Variants in POLR3H observed in about 807,000 individuals in gnomAD.
POLR3H encodes the protein RNA polymerase III subunit H.
POLR3H carries 17 observed loss-of-function variants against 25.5 expected under a neutral mutation model. The observed-to-expected ratio is 0.67, with a 90% CI of 0.46 to 1.00. The LOEUF is 1.00. Ranked by LOEUF, POLR3H falls within the 50% of genes least tolerant of loss-of-function variation. The probability of loss-of-function intolerance (pLI) is 0.00; values close to 1 mark genes in which losing one functional copy is unlikely to be tolerated. For missense variants in POLR3H, 274 were observed against 265.0 expected (o/e 1.03, Z -0.24); for synonymous variants, 129 against 103.0 (o/e 1.25, Z -1.53).
Position 41,528,408 on chromosome 22 carries a change from CCT to C in POLR3H, c.*873_*874del. On this transcript the variant is annotated 3_prime_UTR_variant, in exon 6 of 6. Coordinates refer to ENST00000355209, the MANE Select transcript of POLR3H (RefSeq NM_001018050.4). ...AGGTCCCCAGGCAGTGCCCTGTCTC[CCT>C]GACCCCCCTGCGGGGCCAAGGGCAC... is the stretch of plus-strand genomic sequence containing the variant. The C allele has an allele frequency of 6.3e-7, 1 of 1,575,012 alleles. No homozygotes were observed. The highest frequency in any genetic ancestry group is 8.6e-7 in the Non-Finnish European group (1 of 1,162,172).
chr22:41,533,956 T>G (rs4822033), intron 2 of POLR3H, among the ~76,000 whole-genome samples: 28,233 of 151,984 alleles, frequency 0.19, 3,518 homozygotes, highest in Admixed American at 0.38. Context: ...CTGGCCAACA[T>G]GATAAAACAC....
Position 41,528,498 on chromosome 22 carries a change from A to G in POLR3H, c.*785T>C, listed in dbSNP as rs775187728. Reference sequence around the variant, plus strand: ...TTGCAGCCCCTGAAGTGCATCATCAAGCACCCCAACGGGACCCAGGAGACC... The same window carrying G: ...TTGCAGCCCCTGAAGTGCATCATCAGGCACCCCAACGGGACCCAGGAGACC... On this transcript the variant is annotated 3_prime_UTR_variant, in exon 6 of 6. Transcript: ENST00000355209. 14 of 1,612,336 alleles carry G rather than the reference A, an allele frequency of 8.7e-6. No homozygotes were observed. The highest frequency in any genetic ancestry group is 2.7e-5 in the African/African-American group (2 of 74,982).
chr22:41,532,175 G>C lies in POLR3H; in HGVS notation c.296-18C>G. On this transcript the variant is annotated intron_variant, in intron 3 of 5. Transcript: ENST00000355209. ...TAGAGAGACTGGAAGGAAGGAAGCA[G>C]GTGACGGCCTGAGATGGGGGTCCCA... is the stretch of plus-strand genomic sequence containing the variant. 1 of 1,613,452 alleles carries C rather than the reference G, an allele frequency of 6.2e-7. No individual in the cohort carries two copies. The highest frequency in any genetic ancestry group is 8.5e-7 in the Non-Finnish European group (1 of 1,179,478).
In POLR3H at chr22:41,528,168, A is replaced by T. The variant is rs1187344986; in HGVS notation, c.*1115T>A. The T allele has an allele frequency of 3.9e-6, 5 of 1,293,188 alleles. No individual in the cohort carries two copies. The highest frequency in any genetic ancestry group is 4.7e-5 in the Admixed American group (2 of 42,870). The allele number at this position is 1,293,188 out of a possible 1,614,324, so 80.1% of individuals were successfully genotyped here. On this transcript the variant is annotated 3_prime_UTR_variant, in exon 6 of 6. Coordinates refer to ENST00000355209, the MANE Select transcript of POLR3H (RefSeq NM_001018050.4). ...GTTCTCCAGGTGGCCCCACAGAGAA[A>T]GCAAAGTGGCTTCTCAGAGTTGGGG...
rs776056323 is a variant in POLR3H, at chr22:41,528,604, G to C, written c.*679C>G. On this transcript the variant is annotated 3_prime_UTR_variant, in exon 6 of 6. Coordinates refer to ENST00000355209, the MANE Select transcript of POLR3H (RefSeq NM_001018050.4). ...GTGCCCTCAACAGAATGAAGGAACT[G>C]CAACAGTGAGGGCAGTGCCTCCCCG... 7 of 1,609,420 alleles carry C rather than the reference G, an allele frequency of 4.3e-6. No homozygotes were observed. The highest frequency in any genetic ancestry group is 1.7e-5 in the Admixed American group (1 of 59,930).
Position 41,526,502 on chromosome 22 carries a change from C to A in POLR3H, c.*2781G>T. On this transcript the variant is annotated 3_prime_UTR_variant, in exon 6 of 6. Transcript: ENST00000355209. ...ATGCCAGTGGTCACTCCTGAAGGGG[C>A]CTGCAAGGCAGGTGCAGGGAGGACA... 1 of 1,566,172 alleles carries A rather than the reference C, an allele frequency of 6.4e-7. No homozygotes were observed. The highest frequency in any genetic ancestry group is 8.7e-7 in the Non-Finnish European group (1 of 1,150,716).
intron 2 of POLR3H, among the ~76,000 whole-genome samples, chr22:41,537,134 A>T (rs1406282471): frequency 6.6e-6 from 1 of 152,054 alleles, no homozygotes; most frequent in African/African-American, 2.4e-5. Flanking sequence ...TCGAGGGATA[A>T]ACTTGGCCAG....
chr22:41,530,712 T>C lies in POLR3H; in HGVS notation c.536A>G (p.Lys179Arg). The C allele has an allele frequency of 6.2e-7, 1 of 1,613,622 alleles. No individual in the cohort carries two copies. Among genetic ancestry groups the C allele is most frequent in the Non-Finnish European group, 8.5e-7 (1 of 1,180,024 alleles). ...CACAAGCGTGTACGGAGCCTCCTTCTTTGGCAGCTCCTCACTGGAAGTGGT... is the reference window on the plus strand; with the variant it reads ...CACAAGCGTGTACGGAGCCTCCTTCCTTGGCAGCTCCTCACTGGAAGTGGT... Reference protein sequence around the residue: ...DATTSSEELPKKEAPYTLVGS... With the variant: ...DATTSSEELPRKEAPYTLVGS... The change falls in exon 5 of 6, where the codon AAG (lysine) becomes AGG (arginine). Residue 179 changes from lysine to arginine, a missense_variant. By Grantham distance (26) the Lys-to-Arg change is conservative. Transcript: ENST00000355209.
At chr22:41,540,571 T>G (rs1478626460) in intron 2 of POLR3H, 128 bp downstream of exon 2, 1 of 759,434 alleles carries the variant, frequency 1.3e-6, no homozygotes, top group African/African-American at 1.7e-5. Context: ...TTGAACTCTG[T>G]GGCTCAAGAG....
Position 41,528,093 on chromosome 22 carries a change from C to T in POLR3H, c.*1190G>A, listed in dbSNP as rs539376253. On this transcript the variant is annotated 3_prime_UTR_variant, in exon 6 of 6. Coordinates refer to ENST00000355209, the MANE Select transcript of POLR3H (RefSeq NM_001018050.4). ...ACCTTGTTTCCCCTCCTGCACTGGCCCCAGGGTAGCTTCTCCCAGGAGGCT... is the reference window on the plus strand; with the variant it reads ...ACCTTGTTTCCCCTCCTGCACTGGCTCCAGGGTAGCTTCTCCCAGGAGGCT... 4 of 1,598,988 alleles carry T rather than the reference C, an allele frequency of 2.5e-6. No individual in the cohort carries two copies. In the South Asian group the frequency reaches 3.3e-5, roughly 13 times the overall value.
At chr22:41,531,180 G>A (rs976476551) in intron 4 of POLR3H, among the ~76,000 whole-genome samples, 11 of 152,186 alleles carry the variant, frequency 7.2e-5, no homozygotes, top group African/African-American at 1.7e-4. Flanking sequence ...GACAGGGTCC[G>A]AGTCCCACCT....
In POLR3H at chr22:41,526,351, G is replaced by C; in HGVS notation, c.*2932C>G. ...ACTTGGATAACATCTCCAACAACCT[G>C]CTCATTGGTGCCATCAACATTGAAA... On this transcript the variant is annotated 3_prime_UTR_variant, in exon 6 of 6. Transcript: ENST00000355209. 1 of 1,613,538 alleles carries C rather than the reference G, an allele frequency of 6.2e-7. No individual in the cohort carries two copies. The highest frequency in any genetic ancestry group is 8.5e-7 in the Non-Finnish European group (1 of 1,180,034).
chr22:41,536,637 G>A (rs1227878522), intron 2 of POLR3H, among the ~76,000 whole-genome samples: 8 of 151,328 alleles, frequency 5.3e-5, no homozygotes, highest in Admixed American at 4.6e-4. Context: ...AGGCCAAGGC[G>A]GGCGGATCGC....
At chr22:41,543,862 G>C in intron 1 of POLR3H, 129 bp downstream of exon 1, 2 of 729,932 alleles carry the variant, frequency 2.7e-6, no homozygotes, top group Non-Finnish European at 5.0e-6. Flanking sequence ...TCACGGTGAA[G>C]AAAAGTTCTG....
intron 2 of POLR3H, among the ~76,000 whole-genome samples, chr22:41,537,834 GTC>G (rs2066872919): frequency 6.6e-6 from 1 of 151,932 alleles, no homozygotes; most frequent in South Asian, 2.1e-4. Flanking sequence ...TTGAGACGGG[GTC>G]TCTCTCTGTC....
Position 41,544,153 on chromosome 22 carries a change from G to C in POLR3H, c.-52C>G, listed in dbSNP as rs1934993460. ...ACAGGAGGGTCAGTCACGCACCAGG[G>C]CCGGGGGCAGGGAGAATCCCCGAGC... On this transcript the variant is annotated 5_prime_UTR_variant, in exon 1 of 6. Coordinates refer to ENST00000355209, the MANE Select transcript of POLR3H (RefSeq NM_001018050.4). 8.7e-7 allele frequency: 1 copy of C among 1,149,706 alleles called. No individual in the cohort carries two copies. Among genetic ancestry groups the C allele is most frequent in the Admixed American group, 1.9e-5 (1 of 53,014 alleles). The allele number at this position is 1,149,706 out of a possible 1,614,324, so 71.2% of individuals were successfully genotyped here. A position where few individuals can be genotyped will look rare whatever the true frequency, so the allele number is the denominator to read the frequency against.
chr22:41,528,570 G>T lies in POLR3H; in HGVS notation c.*713C>A. 1 of 1,612,936 alleles carries T rather than the reference G, an allele frequency of 6.2e-7. No homozygotes were observed. Among genetic ancestry groups the T allele is most frequent in the South Asian group, 1.1e-5 (1 of 91,034 alleles). On this transcript the variant is annotated 3_prime_UTR_variant, in exon 6 of 6. Transcript: ENST00000355209. Reference sequence around the variant, plus strand: ...AACGAGACGCAGATTGAGTGGTTCCGCGCTGGCAGTGCCCTCAACAGAATG... The same window carrying T: ...AACGAGACGCAGATTGAGTGGTTCCTCGCTGGCAGTGCCCTCAACAGAATG...
chr22:41,532,116 ACT>A lies in POLR3H; in HGVS notation c.335_336del (p.Glu112ValfsTer47). 1.9e-6 allele frequency: 3 copies of A among 1,614,004 alleles called. No homozygotes were observed. Among genetic ancestry groups the A allele is most frequent in the Admixed American group, 1.7e-5 (1 of 60,020 alleles). ...TACAACTTGGCTGGCTGCTGCAGTG[ACT>A]CTGGGGGGATGAGAATGTCATCGAA... ...GFFDDILIPP[E>X]SLQQPAKFDE... On this transcript the variant is annotated frameshift_variant, in exon 4 of 6. Transcript: ENST00000355209. LOFTEE classifies it high-confidence loss of function.
At position 41,525,986 on chromosome 22, in the gene POLR3H, G is replaced by T. The variant is rs940043716; in HGVS notation, c.*3297C>A. On this transcript the variant is annotated 3_prime_UTR_variant, in exon 6 of 6. Coordinates refer to ENST00000355209, the MANE Select transcript of POLR3H (RefSeq NM_001018050.4). ...CTTGCAGCTGAGGCCTGAAGGGTGA[G>T]CGAACATTGACCTGTCCCAACTTTG... 7 of 380,098 alleles carry T rather than the reference G, an allele frequency of 1.8e-5. No homozygotes were observed. Among genetic ancestry groups the T allele is most frequent in the Admixed American group, 1.2e-4 (3 of 24,584 alleles). 23.5% of individuals were successfully genotyped at this position (380,098 alleles called of 1,614,324 possible). A position where few individuals can be genotyped will look rare whatever the true frequency, so the allele number is the denominator to read the frequency against.
Sources: allele counts gnomAD v4.1 joint callset (sites outside exome capture counted in the v4.1 genomes callset), GRCh38; gene constraint gnomAD v4.1.1; transcripts MANE v1.5; gene names NCBI Gene and HGNC (gene_info 2026-07-23, HGNC 2026-07-21).